LATS2: variants seen among roughly 807,000 people sequenced by gnomAD.
The protein encoded by LATS2 is large tumor suppressor kinase 2.
Under a neutral mutation model 76.0 loss-of-function variants are expected in LATS2, and 24 were observed. The observed-to-expected ratio is 0.32, with a 90% CI of 0.23 to 0.44. LATS2 has a LOEUF of 0.44. LATS2 is among the 20% of genes least tolerant of loss of function. The probability of loss-of-function intolerance (pLI) is 1.00; values close to 1 mark genes in which losing one functional copy is unlikely to be tolerated. For missense variants in LATS2, 1,286 were observed against 1,481.2 expected, an observed-to-expected ratio of 0.87 and a Z score of 2.16; for synonymous variants, 692 against 635.4, an observed-to-expected ratio of 1.09 and a Z score of -1.34.
chr13:20,982,992 C>A (rs74368231), intron 5 of LATS2, among the ~76,000 whole-genome samples: 327 of 86,996 alleles, frequency 3.8e-3, no homozygotes, highest in East Asian at 9.3e-3. Context: ...AACTCTGTCT[C>A]AAAAAAAAAA....
rs1330114656 is a variant in LATS2 at position 21,030,525 on chromosome 13, C to G, written c.342+15160G>C. Reference sequence around the variant, plus strand: ...AATGGCGTGAACCTGGGAAGCGGAGCTTGCAGCGAGCTGAGATCACACCAC... The same window carrying G: ...AATGGCGTGAACCTGGGAAGCGGAGGTTGCAGCGAGCTGAGATCACACCAC... On this transcript the variant is annotated intron_variant, in intron 2 of 7. Coordinates refer to ENST00000382592, the MANE Select transcript of LATS2 (RefSeq NM_014572.3). Among the ~76,000 whole-genome samples, 5 of 141,306 alleles carry G rather than the reference C, an allele frequency of 3.5e-5. No individual in the cohort carries two copies. In the South Asian group the frequency reaches 1.1e-3, roughly 32 times the overall value. The allele number at this position is 141,306 out of a possible 152,430, so 92.7% of individuals were successfully genotyped here. A position where few individuals can be genotyped will look rare whatever the true frequency, so the allele number is the denominator to read the frequency against.
rs775670145 is a variant in LATS2, at chr13:20,974,711, T to C, written c.*159A>G. On this transcript the variant is annotated 3_prime_UTR_variant, in exon 8 of 8. Coordinates refer to ENST00000382592, the MANE Select transcript of LATS2 (RefSeq NM_014572.3). ...CTGAGTCCTGTTTTCAAAAGTGTCC[T>C]GTTTGGGTTTTCTTGGTGAAGAGCA... 151 of 709,360 alleles carry C rather than the reference T, an allele frequency of 2.1e-4. No individual in the cohort carries two copies. In the Middle Eastern group the frequency reaches 3.7e-3, roughly 17 times the overall value. The allele number at this position is 709,360 out of a possible 1,614,324, so 43.9% of individuals were successfully genotyped here. A position where few individuals can be genotyped will look rare whatever the true frequency, so the allele number is the denominator to read the frequency against.
chr13:20,999,966 G>A (rs1466750759), intron 2 of LATS2, among the ~76,000 whole-genome samples: 2 of 151,852 alleles, frequency 1.3e-5, no homozygotes, highest in Non-Finnish European at 2.9e-5. Context: ...GGAGGCGGAG[G>A]TTGCAGTGAG....
intron 1 of LATS2, among the ~76,000 whole-genome samples, chr13:21,052,731 A>C (rs1214137759): frequency 6.6e-6 from 1 of 152,212 alleles, no homozygotes; most frequent in Non-Finnish European, 1.5e-5. Flanking sequence ...TAAAGACAGA[A>C]AAACACAGAG....
At chr13:21,039,342 T>C (rs1351274934) in intron 2 of LATS2, among the ~76,000 whole-genome samples, 2 of 152,238 alleles carry the variant, frequency 1.3e-5, no homozygotes, top group African/African-American at 2.4e-5. Flanking sequence ...AATGTACATG[T>C]TATCTAAATT....
At chr13:21,007,678 A>AGTG (rs1871371674) in intron 2 of LATS2, among the ~76,000 whole-genome samples, 1 of 3,506 alleles carries the variant, frequency 2.9e-4, no homozygotes, top group African/African-American at 8.9e-4. Flanking sequence ...GTATATATAT[A>AGTG]TATAGTATAT....
At chr13:21,007,592 A>AG (rs1871344922) in intron 2 of LATS2, among the ~76,000 whole-genome samples, 1 of 10,558 alleles carries the variant, frequency 9.5e-5, no homozygotes. Flanking sequence ...TATATAGTAT[A>AG]TATATATATA....
Position 20,991,186 on chromosome 13 carries a change from G to GA in LATS2, c.475+85_475+86insT. On this transcript the variant is annotated intron_variant, in intron 3 of 7. Transcript: ENST00000382592. This position sits in a 1 kb window ranked among gnomAD's most constrained non-coding sequence, Gnocchi z 4.9. ...CAGGAGACTGGCTCTGGCCAGGCCA[G>GA]GCCAGGTTGGACCCCTCTGCACGTG... is the stretch of plus-strand genomic sequence containing the variant. The GA allele has an allele frequency of 2.0e-6, 3 of 1,532,870 alleles. 1 individual carries two copies. In the South Asian group the frequency reaches 3.6e-5, roughly 18 times the overall value. The allele number at this position is 1,532,870 out of a possible 1,614,324, so 95.0% of individuals were successfully genotyped here. A position where few individuals can be genotyped will look rare whatever the true frequency, so the allele number is the denominator to read the frequency against.
chr13:21,000,574 T>A (rs1870998518), intron 2 of LATS2, among the ~76,000 whole-genome samples: 3 of 152,174 alleles, frequency 2.0e-5, no homozygotes, highest in Non-Finnish European at 4.4e-5. Context: ...CTGATTTCCA[T>A]AATGATGTCT....
intron 4 of LATS2, 67 bp from the exon 5 acceptor site, chr13:20,983,873 G>T (rs1870023840): frequency 7.7e-7 from 1 of 1,295,714 alleles, no homozygotes; most frequent in Non-Finnish European, 1.1e-6. Context: ...AAATGACTGG[G>T]ATGGGGATGC....
At chr13:21,040,062 AAACTCC>A (rs1287733773) in intron 2 of LATS2, among the ~76,000 whole-genome samples, 1 of 151,772 alleles carries the variant, frequency 6.6e-6, no homozygotes, top group Non-Finnish European at 1.5e-5. Context: ...AATAAGAGCG[AAACTCC>A]ATCTCAAAAA....
At chr13:21,032,514 C>A (rs1470477549) in intron 2 of LATS2, among the ~76,000 whole-genome samples, 6 of 152,330 alleles carry the variant, frequency 3.9e-5, no homozygotes, top group African/African-American at 1.4e-4. Flanking sequence ...CAATCGCCCA[C>A]CTCAGCCTCC....
intron 1 of LATS2, among the ~76,000 whole-genome samples, chr13:21,061,019 C>G (rs1873625465): frequency 6.6e-6 from 1 of 151,420 alleles, no homozygotes; most frequent in Non-Finnish European, 1.5e-5. Context: ...CCGGCCGCCC[C>G]GGTCGCCGCA....
rs117441927 is a variant in LATS2 at position 21,012,995 on chromosome 13, G to A, written c.343-21591C>T. Among the ~76,000 whole-genome samples the A allele has an allele frequency of 8.7e-3, 1,330 of 152,268 alleles. 9 individuals carry two copies. Among genetic ancestry groups the A allele is most frequent in the Admixed American group, 0.015 (229 of 15,294 alleles). ...AGGTATTGAGACCTTTTCCAACTCAGTAACTTCATGGTCTCTGATGTAATA... is the reference window on the plus strand; with the variant it reads ...AGGTATTGAGACCTTTTCCAACTCAATAACTTCATGGTCTCTGATGTAATA... On this transcript the variant is annotated intron_variant, in intron 2 of 7. Transcript: ENST00000382592.
At chr13:21,001,914 A>T (rs969270106) in intron 2 of LATS2, among the ~76,000 whole-genome samples, 8 of 151,504 alleles carry the variant, frequency 5.3e-5, no homozygotes, top group Non-Finnish European at 1.0e-4. Context: ...AACAAATTTT[A>T]AAAATCCATT....
intron 2 of LATS2, among the ~76,000 whole-genome samples, chr13:21,016,753 A>G (rs750262336): frequency 4.6e-5 from 7 of 152,212 alleles, no homozygotes; most frequent in Non-Finnish European, 7.4e-5. Flanking sequence ...TTCCAAACCA[A>G]GGGCAGGCAA....
rs376401196 is a variant in LATS2, at chr13:20,979,829, A to T, written c.2666-32T>A. ...GACAAAGTTCACTCAATCCCTACAC[A>T]GGCATGAATTCTCCTCCGAGGTGAA... is the stretch of plus-strand genomic sequence containing the variant. On this transcript the variant is annotated intron_variant, in intron 6 of 7. Transcript: ENST00000382592. 45 of 1,201,346 alleles carry T rather than the reference A, an allele frequency of 3.7e-5. No homozygotes were observed. The African/African-American group carries it at 6.3e-4, about 17-fold the overall frequency. 74.4% of individuals were successfully genotyped at this position (1,201,346 alleles called of 1,614,324 possible). A position where few individuals can be genotyped will look rare whatever the true frequency, so the allele number is the denominator to read the frequency against.
rs548598458 is a variant in LATS2 at position 21,046,095 on chromosome 13, C to A, written c.-69G>T. 45 of 944,290 alleles carry A rather than the reference C, an allele frequency of 4.8e-5. No homozygotes were observed. The African/African-American group carries it at 5.6e-4, about 12-fold the overall frequency. 58.5% of individuals were successfully genotyped at this position (944,290 alleles called of 1,614,324 possible). ...GTGTTTTATTATTTAAAAAAAAAAA[C>A]TGTCAATAGTATCAGTTTGTTGTAA... On this transcript the variant is annotated 5_prime_UTR_variant, in exon 2 of 8. Transcript: ENST00000382592.
At chr13:21,019,298 GTTA>G (rs72479904) in intron 2 of LATS2, among the ~76,000 whole-genome samples, 37,527 of 144,100 alleles carry the variant, frequency 0.26, 5,586 homozygotes, top group East Asian at 0.48. Context: ...ACTTGGATTT[GTTA>G]TTATTATTAT....
Sources: gnomAD v4.1 joint callset for allele counts (sites outside exome capture counted in the v4.1 genomes callset) on GRCh38, gnomAD v4.1.1 for gene constraint, Gnocchi (gnomAD v3.1) non-coding constraint, MANE v1.5 for transcripts, NCBI Gene and HGNC (gene_info 2026-07-23, HGNC 2026-07-21) for gene names.